Variants in SLC48A1 observed in about 807,000 individuals in gnomAD.
SLC48A1 encodes the protein solute carrier family 48 member 1.
SLC48A1 carries 6 observed loss-of-function variants against 14.8 expected under a neutral mutation model. The ratio of observed to expected loss-of-function variants is 0.41; its 90% confidence interval spans 0.22 to 0.80. The LOEUF is 0.80. Ranked by LOEUF, SLC48A1 falls within the 30% of genes least tolerant of loss-of-function variation. The probability of loss-of-function intolerance (pLI) is 0.34; values close to 1 mark genes in which losing one functional copy is unlikely to be tolerated. For synonymous variants in SLC48A1, 89 were observed against 90.0 expected, an observed-to-expected ratio of 0.99 and a Z score of 0.06; for missense variants, 165 against 204.8, an observed-to-expected ratio of 0.81 and a Z score of 1.19.
In SLC48A1 at chr12:47,773,298, C is replaced by A; in HGVS notation, c.-7C>A. On this transcript the variant is annotated 5_prime_UTR_variant, in exon 1 of 3. Coordinates refer to ENST00000442218, the MANE Select transcript of SLC48A1 (RefSeq NM_017842.3). ...CTCGCCCTCGGCCCGCCCGGCGCCGCAGCCCCATGGCCCCGTCCAGGCTGC... is the reference window on the plus strand; with the variant it reads ...CTCGCCCTCGGCCCGCCCGGCGCCGAAGCCCCATGGCCCCGTCCAGGCTGC... The A allele has an allele frequency of 7.0e-7, 1 of 1,438,470 alleles. No individual in the cohort carries two copies. The highest frequency in any genetic ancestry group is 9.1e-7 in the Non-Finnish European group (1 of 1,092,996). The allele number at this position is 1,438,470 out of a possible 1,614,324, so 89.1% of individuals were successfully genotyped here.
intron 1 of SLC48A1, chr12:47,760,176 G>A: frequency 1.0e-6 from 1 of 982,868 alleles, no homozygotes; most frequent in Non-Finnish European, 1.2e-6. Context: ...AATCCTATTG[G>A]CATGAAATGG....
At chr12:47,778,759 T>C (rs990022546) in intron 1 of SLC48A1, 2 of 412,656 alleles carry the variant, frequency 4.8e-6, no homozygotes, top group Non-Finnish European at 8.6e-6. Context: ...TTGTGAGAGA[T>C]ATTCATGTTT....
intron 1 of SLC48A1, among the ~76,000 whole-genome samples, chr12:47,775,189 C>G (rs968229604): frequency 2.6e-5 from 4 of 152,208 alleles, no homozygotes; most frequent in Non-Finnish European, 4.4e-5. Context: ...GTGCTGCCCA[C>G]TCCCTGAGTC....
intron 1 of SLC48A1, among the ~76,000 whole-genome samples, chr12:47,776,974 C>T (rs1942767559): frequency 1.3e-5 from 2 of 152,166 alleles, no homozygotes; most frequent in East Asian, 3.8e-4. Flanking sequence ...CTCTGTGGCA[C>T]GAGGAGACAG....
intron 1 of SLC48A1, chr12:47,778,788 C>A: frequency 6.9e-6 from 3 of 437,008 alleles, no homozygotes; most frequent in East Asian, 3.4e-5. Context: ...AAAATAAAAT[C>A]AGAGAGAATG....
At position 47,781,412 on chromosome 12, in the gene SLC48A1, C is replaced by A. The variant is rs1942874368; in HGVS notation, c.*1131C>A. On this transcript the variant is annotated 3_prime_UTR_variant, in exon 3 of 3. Coordinates refer to ENST00000442218, the MANE Select transcript of SLC48A1 (RefSeq NM_017842.3). ...GAGACCTTCTCTCCCACTCCAGCCC[C>A]TCTCACTGCCCTTCAACTAGAGCTT... 6.5e-6 allele frequency: 1 copy of A among 154,932 alleles called. No homozygotes were observed. Among genetic ancestry groups the A allele is most frequent in the Non-Finnish European group, 1.4e-5 (1 of 69,422 alleles). 9.6% of individuals were successfully genotyped at this position (154,932 alleles called of 1,614,324 possible). A position where few individuals can be genotyped will look rare whatever the true frequency, so the allele number is the denominator to read the frequency against.
At chr12:47,779,808 C>A (rs981988842) in intron 2 of SLC48A1, among the ~76,000 whole-genome samples, 1 of 152,354 alleles carries the variant, frequency 6.6e-6, no homozygotes, top group East Asian at 1.9e-4. Flanking sequence ...AGGTCAGCGG[C>A]GGGCATTAGA....
chr12:47,780,226 A>C lies in SLC48A1; in HGVS notation c.386A>C (p.Tyr129Ser). The C allele has an allele frequency of 6.2e-7, 1 of 1,614,148 alleles. No individual in the cohort carries two copies. The highest frequency in any genetic ancestry group is 8.5e-7 in the Non-Finnish European group (1 of 1,180,020). The part of the protein sequence containing the change: ...SFKWAFLLSL[Y>S]AHRYRADFAD... ...AAGTGGGCCTTCCTGCTCAGCCTCT[A>C]TGCCCACCGCTACCGGGCTGACTTT... is the stretch of plus-strand genomic sequence containing the variant. The change falls in exon 3 of 3, where the codon TAT (tyrosine) becomes TCT (serine). Residue 129 changes from tyrosine to serine, a missense_variant. Coordinates refer to ENST00000442218, the MANE Select transcript of SLC48A1 (RefSeq NM_017842.3).
At chr12:47,763,053 G>A (rs1001483390) in intron 2 of SLC48A1, among the ~76,000 whole-genome samples, 2 of 152,212 alleles carry the variant, frequency 1.3e-5, no homozygotes, top group Non-Finnish European at 2.9e-5. Flanking sequence ...TGAAGCTGAT[G>A]CTTAATGATT....
chr12:47,755,311 G>A (rs1941989667), upstream of SLC48A1, among the ~76,000 whole-genome samples: 1 of 152,176 alleles, frequency 6.6e-6, no homozygotes, highest in Non-Finnish European at 1.5e-5. Context: ...GCTGTTGTGA[G>A]AATTATTTGA....
In SLC48A1 at chr12:47,782,645, T is replaced by G. The variant is rs888155523; in HGVS notation, c.*2364T>G. On this transcript the variant is annotated 3_prime_UTR_variant, in exon 3 of 3. Transcript: ENST00000442218. ...CTCCGGCAGTGACTCAGACCCACAC[T>G]GTGCCGTGCAGCTGTGTGCCCTGCA... is the stretch of plus-strand genomic sequence containing the variant. 6.6e-6 allele frequency: 1 copy of G among 152,282 alleles called. No individual in the cohort carries two copies. The highest frequency in any genetic ancestry group is 1.5e-5 in the Non-Finnish European group (1 of 68,062). The allele number at this position is 152,282 out of a possible 1,614,324, so 9.4% of individuals were successfully genotyped here.
chr12:47,756,330 G>A (rs571904022), upstream of SLC48A1: 1 of 152,376 alleles, frequency 6.6e-6, no homozygotes, highest in Admixed American at 6.5e-5. Flanking sequence ...AAGGGGACAG[G>A]AAATGCACAA....
chr12:47,775,227 A>G lies in SLC48A1; in HGVS notation c.136+1787A>G, dbSNP rs189592421. ...CAGCTGCCTCCTAGAGGGCTGTGGAAAAGGCCTTCTTTCTTATACTCTAGG... is the reference window on the plus strand; with the variant it reads ...CAGCTGCCTCCTAGAGGGCTGTGGAGAAGGCCTTCTTTCTTATACTCTAGG... On this transcript the variant is annotated intron_variant, in intron 1 of 2. Transcript: ENST00000442218. Among the ~76,000 whole-genome samples the G allele has an allele frequency of 3.0e-3, 455 of 152,232 alleles. 2 individuals carry two copies. The highest frequency in any genetic ancestry group is 4.3e-3 in the Non-Finnish European group (289 of 67,982).
At position 47,779,149 on chromosome 12, in the gene SLC48A1, C is replaced by A; in HGVS notation, c.258C>A (p.Ile86=). The change falls in exon 2 of 3, where the codon ATC becomes ATA. Residue 86 remains isoleucine (I), a synonymous_variant. Transcript: ENST00000442218. ...FVGVLFSAVS[I]AAFCTFLVLA... ...GCGTCCTCTTCTCGGCCGTCTCCATCGCTGCCTTCTGCACCTTCCTCGTGC... is the reference window on the plus strand; with the variant it reads ...GCGTCCTCTTCTCGGCCGTCTCCATAGCTGCCTTCTGCACCTTCCTCGTGC... 2 of 1,551,880 alleles carry A rather than the reference C, an allele frequency of 1.3e-6. No homozygotes were observed. The highest frequency in any genetic ancestry group is 1.7e-6 in the Non-Finnish European group (2 of 1,147,026).
chr12:47,779,596 C>T (rs564780496), intron 2 of SLC48A1, among the ~76,000 whole-genome samples: 6 of 152,172 alleles, frequency 3.9e-5, no homozygotes, highest in Non-Finnish European at 5.9e-5. Flanking sequence ...GTGGATGATA[C>T]AGACCTGTGA....
rs1471708737 is a variant in SLC48A1 at position 47,773,328 on chromosome 12, C to T, written c.24C>T (p.Leu8=). ...CCATGGCCCCGTCCAGGCTGCAGCT[C>T]GGCCTCCGCGCCGCCTACTCCGGCA... MAPSRLQ[L]GLRAAYSGIS... The change falls in exon 1 of 3, where the codon CTC becomes CTT. Residue 8 remains leucine (L), a synonymous_variant. Coordinates refer to ENST00000442218, the MANE Select transcript of SLC48A1 (RefSeq NM_017842.3). 6 of 1,471,034 alleles carry T rather than the reference C, an allele frequency of 4.1e-6. No homozygotes were observed. Among genetic ancestry groups the T allele is most frequent in the East Asian group, 3.1e-5 (1 of 32,438 alleles). The allele number at this position is 1,471,034 out of a possible 1,614,324, so 91.1% of individuals were successfully genotyped here.
In SLC48A1 at chr12:47,781,743, G is replaced by C. The variant is rs1942884435; in HGVS notation, c.*1462G>C. 1 of 152,766 alleles carries C rather than the reference G, an allele frequency of 6.5e-6. No homozygotes were observed. The highest frequency in any genetic ancestry group is 2.4e-5 in the African/African-American group (1 of 41,468). The allele number at this position is 152,766 out of a possible 1,614,324, so 9.5% of individuals were successfully genotyped here. Reference sequence around the variant, plus strand: ...ACTTTGGGAGGAGTGGGCAGGGAGGGAGTGGTAGTGGCAGTTCTCGAGCTA... The same window carrying C: ...ACTTTGGGAGGAGTGGGCAGGGAGGCAGTGGTAGTGGCAGTTCTCGAGCTA... On this transcript the variant is annotated 3_prime_UTR_variant, in exon 3 of 3. Transcript: ENST00000442218.
upstream of SLC48A1, among the ~76,000 whole-genome samples, chr12:47,757,213 G>A (rs2136825741): frequency 6.6e-6 from 1 of 152,210 alleles, no homozygotes; most frequent in South Asian, 2.1e-4. Context: ...CTGCTGATTT[G>A]GATAGTACAG....
intron 1 of SLC48A1, chr12:47,778,717 T>A (rs1177483292): frequency 9.7e-6 from 3 of 309,820 alleles, no homozygotes. Context: ...TTTAAAGTAA[T>A]ACTAAAAATA....
Sources: allele counts gnomAD v4.1 joint callset (sites outside exome capture counted in the v4.1 genomes callset), GRCh38; gene constraint gnomAD v4.1.1; transcripts MANE v1.5; gene names NCBI Gene and HGNC (gene_info 2026-07-23, HGNC 2026-07-21).